Variants in SPRED2 observed in about 807,000 individuals in gnomAD.
The protein encoded by SPRED2 is sprouty-related, EVH1 domain-containing protein 2.
SPRED2 carries 47 observed loss-of-function variants against 43.0 expected under a neutral mutation model. The ratio of observed to expected loss-of-function variants is 1.09; its 90% CI spans 0.87 to 1.40. SPRED2 has a LOEUF of 1.40. SPRED2 is among the 40% of genes most tolerant of loss of function. SPRED2 has a pLI of 0.00. For missense variants in SPRED2, 561 were observed against 586.4 expected, an observed-to-expected ratio of 0.96 and a Z score of 0.45; for synonymous variants, 225 against 225.7, an observed-to-expected ratio of 1.00 and a Z score of 0.03.
downstream of SPRED2, chr2:65,308,338 G>C (rs1672983628): frequency 1.0e-6 from 1 of 985,322 alleles, no homozygotes; most frequent in Admixed American, 6.1e-5. Context: ...GGATGCATTG[G>C]CTCCCAGAAA....
intron 2 of SPRED2, among the ~76,000 whole-genome samples, chr2:65,335,486 T>C (rs919838507): frequency 1.3e-5 from 2 of 152,246 alleles, no homozygotes. Flanking sequence ...ATCTCTAAGA[T>C]GGAAAGAACA....
At chr2:65,315,765 T>C (rs1338093013) in intron 5 of SPRED2, among the ~76,000 whole-genome samples, 1 of 152,246 alleles carries the variant, frequency 6.6e-6, no homozygotes, top group Non-Finnish European at 1.5e-5. Flanking sequence ...TTCACGCCAT[T>C]GTCCTGCTTC....
intron 1 of SPRED2, among the ~76,000 whole-genome samples, chr2:65,388,111 C>T (rs1238696666): frequency 1.3e-5 from 2 of 152,216 alleles, no homozygotes; most frequent in Non-Finnish European, 1.5e-5. Flanking sequence ...CTAAAAACCA[C>T]CACGATGCAG....
At chr2:65,422,681 C>A (rs976233171) in intron 1 of SPRED2, among the ~76,000 whole-genome samples, 1 of 152,116 alleles carries the variant, frequency 6.6e-6, no homozygotes, top group Non-Finnish European at 1.5e-5. Context: ...CAAATCAACA[C>A]CTATAATCTA....
chr2:65,331,781 C>T (rs1166914350), intron 4 of SPRED2, among the ~76,000 whole-genome samples: 1 of 152,182 alleles, frequency 6.6e-6, no homozygotes, highest in African/African-American at 2.4e-5. Flanking sequence ...TGCTGTGTGG[C>T]AGATGTGCAG....
chr2:65,311,977 A>G lies in SPRED2; in HGVS notation c.*1524T>C. On this transcript the variant is annotated 3_prime_UTR_variant, in exon 6 of 6. Transcript: ENST00000356388. ...CATGTCTTCTGCTGGCCGCTACCAC[A>G]GAAAGATCGTGGCGGGAAGAACAGC... 1.0e-6 allele frequency: 1 copy of G among 985,430 alleles called. No individual in the cohort carries two copies. 61.0% of individuals were successfully genotyped at this position (985,430 alleles called of 1,614,324 possible). A position where few individuals can be genotyped will look rare whatever the true frequency, so the allele number is the denominator to read the frequency against.
chr2:65,391,625 C>G (rs1477423481), intron 1 of SPRED2, among the ~76,000 whole-genome samples: 1 of 152,206 alleles, frequency 6.6e-6, no homozygotes, highest in Non-Finnish European at 1.5e-5. Context: ...GTTTCACTCA[C>G]AAAACTTTAA....
chr2:65,387,816 A>T (rs1317789171), intron 1 of SPRED2, among the ~76,000 whole-genome samples: 22 of 148,512 alleles, frequency 1.5e-4, no homozygotes, highest in Non-Finnish European at 2.7e-4. Flanking sequence ...TTTTTTTTTG[A>T]GAGTTTGGCT....
In SPRED2 at chr2:65,407,375, T is replaced by C. The variant is rs528873206; in HGVS notation, c.26+24587A>G. ...TGAGGTGGCTGCAGGTGTGTGTGTG[T>C]GCGTGTGTTGTGTATTGGGGGGCAT... On this transcript the variant is annotated intron_variant, in intron 1 of 5. Transcript: ENST00000356388. Among the ~76,000 whole-genome samples, 10 of 150,490 alleles carry C rather than the reference T, an allele frequency of 6.6e-5. No homozygotes were observed. In the East Asian group the frequency reaches 1.6e-3, roughly 24 times the overall value.
At chr2:65,382,920 G>T (rs752392644) in intron 1 of SPRED2, among the ~76,000 whole-genome samples, 1 of 152,158 alleles carries the variant, frequency 6.6e-6, no homozygotes, top group Non-Finnish European at 1.5e-5. Context: ...ATCTCTAAGG[G>T]GGAGGGGTGC....
At chr2:65,373,795 TC>T (rs1267958514) in intron 1 of SPRED2, 1 of 152,238 alleles carries the variant, frequency 6.6e-6, no homozygotes, top group African/African-American at 2.4e-5. Flanking sequence ...AGACTGGGTT[TC>T]TTCATTCATT....
intron 4 of SPRED2, among the ~76,000 whole-genome samples, chr2:65,324,656 A>T (rs974088972): frequency 3.3e-5 from 5 of 152,196 alleles, no homozygotes; most frequent in Non-Finnish European, 2.9e-5. Context: ...TGGGTCCAAG[A>T]ATGAACCTTC....
intron 1 of SPRED2, among the ~76,000 whole-genome samples, chr2:65,387,015 T>A (rs889631791): frequency 6.6e-6 from 1 of 151,296 alleles, no homozygotes; most frequent in Non-Finnish European, 1.5e-5. Flanking sequence ...CTGGTTCTAA[T>A]GTTATAGAAA....
At chr2:65,395,836 T>G (rs932749468) in intron 1 of SPRED2, among the ~76,000 whole-genome samples, 1 of 152,214 alleles carries the variant, frequency 6.6e-6, no homozygotes, top group Non-Finnish European at 1.5e-5. Flanking sequence ...ATTAAAAACC[T>G]TCAATTGCTC....
chr2:65,405,015 TA>T (rs1675990794), intron 1 of SPRED2, among the ~76,000 whole-genome samples: 1 of 152,266 alleles, frequency 6.6e-6, no homozygotes, highest in African/African-American at 2.4e-5. Context: ...TCACACGTTA[TA>T]AACACGTTGT....
At chr2:65,404,883 A>AC (rs969596084) in intron 1 of SPRED2, among the ~76,000 whole-genome samples, 1 of 151,954 alleles carries the variant, frequency 6.6e-6, no homozygotes, top group South Asian at 2.1e-4. Flanking sequence ...ACAACAGCAC[A>AC]CCCCTGGGCC....
intron 1 of SPRED2, among the ~76,000 whole-genome samples, chr2:65,363,239 C>CAACAA (rs1674877564): frequency 9.7e-6 from 1 of 103,090 alleles, no homozygotes; most frequent in South Asian, 3.1e-4. Flanking sequence ...AACTCCGTCT[C>CAACAA]AAAAAAAAAA....
intron 1 of SPRED2, among the ~76,000 whole-genome samples, chr2:65,360,177 C>A (rs1674772794): frequency 6.6e-6 from 1 of 151,596 alleles, no homozygotes; most frequent in Non-Finnish European, 1.5e-5. Flanking sequence ...ACTTCTTCCA[C>A]CAGAGAGCTT....
chr2:65,429,068 A>G (rs1033032768), intron 1 of SPRED2, among the ~76,000 whole-genome samples: 17 of 152,248 alleles, frequency 1.1e-4, no homozygotes, highest in African/African-American at 3.9e-4. Context: ...TATCAACAAG[A>G]GCAAAGAAAC....
Sources: allele counts gnomAD v4.1 joint callset (sites outside exome capture counted in the v4.1 genomes callset), GRCh38; gene constraint gnomAD v4.1.1; transcripts MANE v1.5; gene names NCBI Gene and HGNC (gene_info 2026-07-23, HGNC 2026-07-21).